TM9SF2: variants seen among roughly 807,000 people sequenced by gnomAD.
The protein encoded by TM9SF2 is transmembrane 9 superfamily member 2.
Under a neutral mutation model 84.9 loss-of-function variants are expected in TM9SF2, and 13 were observed. That is an observed-to-expected ratio of 0.15 (90% confidence interval 0.10 to 0.24). The LOEUF is 0.24. Among genes scored for constraint, TM9SF2 ranks in the 10% least tolerant of loss-of-function variants. The pLI is 1.00. For synonymous variants in TM9SF2, 273 were observed against 285.8 expected (o/e 0.96, Z 0.45); for missense variants, 562 against 818.5 (o/e 0.69, Z 3.82).
intron 2 of TM9SF2, among the ~76,000 whole-genome samples, chr13:99,518,412 A>G (rs1020521296): frequency 6.6e-6 from 1 of 152,162 alleles, no homozygotes; most frequent in Non-Finnish European, 1.5e-5. Flanking sequence ...CACCTGGCCC[A>G]TACTATTATT....
At chr13:99,522,631 C>G (rs956285718) in intron 3 of TM9SF2, among the ~76,000 whole-genome samples, 7 of 152,222 alleles carry the variant, frequency 4.6e-5, no homozygotes, top group African/African-American at 1.4e-4. Context: ...CCCCATCTCT[C>G]TACTTATGTC....
intron 12 of TM9SF2, among the ~76,000 whole-genome samples, chr13:99,551,220 C>T (rs534431649): frequency 4.2e-4 from 64 of 152,258 alleles, no homozygotes; most frequent in African/African-American, 1.5e-3. Flanking sequence ...ATTATTAACT[C>T]GAAAGAGATG....
chr13:99,513,079 T>G (rs1347267671), intron 1 of TM9SF2, among the ~76,000 whole-genome samples: 1 of 152,246 alleles, frequency 6.6e-6, no homozygotes, highest in Non-Finnish European at 1.5e-5. Flanking sequence ...ACAGTTACCA[T>G]GTTTTTGAGA....
At position 99,539,114 on chromosome 13, in the gene TM9SF2, G is replaced by A. The variant is rs185332558; in HGVS notation, c.717-332G>A. On this transcript the variant is annotated intron_variant, in intron 6 of 16. Transcript: ENST00000376387. ...AGTCCCATCTACTTGGGAGACTGAG[G>A]TGGGAGGATCACTTGAGCCCAGGAG... 5.1e-3 allele frequency among the ~76,000 whole-genome samples: 775 copies of A among 151,776 alleles called. 6 individuals are homozygous for A. The highest frequency in any genetic ancestry group is 0.022 in the South Asian group (107 of 4,792).
intron 4 of TM9SF2, among the ~76,000 whole-genome samples, chr13:99,533,954 C>G (rs186645444): frequency 1.6e-4 from 25 of 152,340 alleles, no homozygotes; most frequent in African/African-American, 6.0e-4. Flanking sequence ...CAGGCGCGAG[C>G]CACCGCTCCT....
chr13:99,519,978 G>C, intron 2 of TM9SF2, 58 bp from the exon 3 acceptor site: 1 of 1,491,970 alleles, frequency 6.7e-7, no homozygotes, highest in Non-Finnish European at 9.3e-7. Flanking sequence ...GATTGGCTAG[G>C]TGTTTGATAT....
chr13:99,549,661 G>T (rs1211954500), intron 12 of TM9SF2, among the ~76,000 whole-genome samples: 2 of 152,106 alleles, frequency 1.3e-5, no homozygotes, highest in Non-Finnish European at 2.9e-5. Context: ...TAAAAAATAA[G>T]CAGCCACCAC....
chr13:99,528,047 T>C (rs2046191768), intron 3 of TM9SF2, among the ~76,000 whole-genome samples: 1 of 152,216 alleles, frequency 6.6e-6, no homozygotes, highest in Admixed American at 6.5e-5. Context: ...AATCCCACGT[T>C]TTCCCGAATA....
intron 3 of TM9SF2, 62 bp downstream of exon 3, chr13:99,520,191 A>G (rs1311301364): frequency 7.1e-6 from 10 of 1,405,212 alleles, no homozygotes; most frequent in Non-Finnish European, 9.9e-6. Flanking sequence ...TTATTTAAGA[A>G]AAGCCTGAGA....
intron 14 of TM9SF2, among the ~76,000 whole-genome samples, chr13:99,555,293 T>C (rs1259341933): frequency 2.0e-5 from 3 of 152,204 alleles, no homozygotes; most frequent in Admixed American, 6.5e-5. Flanking sequence ...TCTAGCCATA[T>C]GTAAATAAGT....
chr13:99,528,178 T>G (rs969030566), intron 3 of TM9SF2, among the ~76,000 whole-genome samples: 3 of 152,182 alleles, frequency 2.0e-5, no homozygotes, highest in Non-Finnish European at 4.4e-5. Flanking sequence ...TAACCAAACA[T>G]GATTTAAAAT....
At chr13:99,520,771 T>C (rs1455420106) in intron 3 of TM9SF2, among the ~76,000 whole-genome samples, 1 of 152,162 alleles carries the variant, frequency 6.6e-6, no homozygotes, top group African/African-American at 2.4e-5. Flanking sequence ...GGTTCCAACA[T>C]ATTGGTCAGG....
chr13:99,516,813 T>A lies in TM9SF2; in HGVS notation c.172-801T>A, dbSNP rs575370375. Among the ~76,000 whole-genome samples the A allele has an allele frequency of 2.6e-5, 4 of 152,318 alleles. No individual in the cohort carries two copies. In the South Asian group the frequency reaches 6.2e-4, roughly 24 times the overall value. On this transcript the variant is annotated intron_variant, in intron 1 of 16. Coordinates refer to ENST00000376387, the MANE Select transcript of TM9SF2 (RefSeq NM_004800.3). Reference sequence around the variant, plus strand: ...TGGTCATTGGCTATCCCTGTGTGTTTAAGAGTACATGTGCATGGAATTGTA... The same window carrying A: ...TGGTCATTGGCTATCCCTGTGTGTTAAAGAGTACATGTGCATGGAATTGTA...
At chr13:99,544,356 A>AC (rs1411226413) in intron 10 of TM9SF2, among the ~76,000 whole-genome samples, 2 of 151,744 alleles carry the variant, frequency 1.3e-5, no homozygotes, top group African/African-American at 4.9e-5. Context: ...AAAAAAAACA[A>AC]AAAACACCAC....
intron 1 of TM9SF2, among the ~76,000 whole-genome samples, chr13:99,504,123 A>G (rs1286716085): frequency 1.3e-5 from 2 of 152,234 alleles, no homozygotes; most frequent in East Asian, 1.9e-4. Flanking sequence ...GATGCTATAA[A>G]TAACAGTAAA....
chr13:99,515,540 G>A (rs1240883153), intron 1 of TM9SF2, among the ~76,000 whole-genome samples: 1 of 152,182 alleles, frequency 6.6e-6, no homozygotes, highest in Non-Finnish European at 1.5e-5. Context: ...TACATGCAAA[G>A]GCTAATGCCC....
At chr13:99,557,283 A>T (rs569085754) in intron 15 of TM9SF2, among the ~76,000 whole-genome samples, 1 of 152,332 alleles carries the variant, frequency 6.6e-6, no homozygotes, top group Non-Finnish European at 1.5e-5. Flanking sequence ...CACAGTGACT[A>T]ATGATGAGCA....
Position 99,529,453 on chromosome 13 carries a change from TC to T in TM9SF2, c.334-12del. ...ATTTTTTCTGAATTTGCTTTCCACT[TC>T]CTTTTAATACAGTTTACGTTTAATA... On this transcript the variant is annotated splice_polypyrimidine_tract_variant and intron_variant, in intron 3 of 16. Transcript: ENST00000376387. The T allele has an allele frequency of 6.7e-7, 1 of 1,498,942 alleles. No homozygotes were observed. The highest frequency in any genetic ancestry group is 8.9e-7 in the Non-Finnish European group (1 of 1,128,892). 92.9% of individuals were successfully genotyped at this position (1,498,942 alleles called of 1,614,324 possible). A position where few individuals can be genotyped will look rare whatever the true frequency, so the allele number is the denominator to read the frequency against.
At chr13:99,518,316 A>G (rs1343360919) in intron 2 of TM9SF2, among the ~76,000 whole-genome samples, 2 of 152,274 alleles carry the variant, frequency 1.3e-5, no homozygotes, top group African/African-American at 4.8e-5. Context: ...TCACCATGTT[A>G]GCCAGGCTGG....
Sources: allele counts gnomAD v4.1 joint callset (sites outside exome capture counted in the v4.1 genomes callset), GRCh38; gene constraint gnomAD v4.1.1; transcripts MANE v1.5; gene names NCBI Gene and HGNC (gene_info 2026-07-23, HGNC 2026-07-21).